C3: variants seen among roughly 807,000 people sequenced by gnomAD.
C3 encodes the protein C3 and PZP-like alpha-2-macroglobulin domain-containing protein 1.
A neutral mutation model predicts 207.9 loss-of-function variants in C3; 97 were observed. That is an observed-to-expected ratio of 0.47 (90% confidence interval 0.40 to 0.55). The LOEUF (loss-of-function observed/expected upper bound fraction) is 0.55, where lower values mean the gene tolerates loss of function less well. Ranked by LOEUF, C3 falls within the 20% of genes least tolerant of loss-of-function variation. The pLI is 0.00. For missense variants in C3, 1,684 were observed against 2,171.7 expected (o/e 0.78, Z 4.46); for synonymous variants, 848 against 857.6 (o/e 0.99, Z 0.20).
At position 6,697,395 on chromosome 19, in the gene C3, A is replaced by C. The variant is rs423490; in HGVS notation, c.2745T>G (p.Ala915=). The stretch of plus-strand genomic sequence containing the variant: ...CGTCACTGATGAAATGATGGTAGAC[A>C]GCAGCCTTGACTTCCACTTCCTGCA... ...TGLQEVEVKA[A]VYHHFISDGV... Residue 915 remains alanine (A), a synonymous_variant, in exon 21 of 41, where the codon GCT becomes GCG. Coordinates refer to ENST00000245907, the MANE Select transcript of C3 (RefSeq NM_000064.4). 2 of 1,613,762 alleles carry C rather than the reference A, an allele frequency of 1.2e-6. No individual in the cohort carries two copies. The highest frequency in any genetic ancestry group is 2.2e-5 in the South Asian group (2 of 91,050).
Position 6,713,997 on chromosome 19 carries a change from G to A in C3, c.768C>T (p.Thr256=), listed in dbSNP as rs546978146. Residue 256 remains threonine, a synonymous_variant, in exon 7 of 41, where the codon ACC becomes ACT. Coordinates refer to ENST00000245907, the MANE Select transcript of C3 (RefSeq NM_000064.4). ...YNEKGLEVTI[T]ARFLYGKKVE... is the part of the protein sequence containing the mutation. ...CCCCACCCCCAGTCCCTCACCTGGC[G>A]GTGATGGTGACCTCCAGGCCCTTCT... 3.6e-5 allele frequency: 57 copies of A among 1,602,438 alleles called. No homozygotes were observed. Among genetic ancestry groups the A allele is most frequent in the Middle Eastern group, 1.7e-4 (1 of 6,040 alleles).
chr19:6,707,953 G>C, intron 14 of C3, 24 bp from the exon 15 acceptor site: 8 of 1,612,496 alleles, frequency 5.0e-6, no homozygotes, highest in Non-Finnish European at 6.8e-6. Context: ...AGGGGTGGCG[G>C]GACGCAGGGA....
chr19:6,694,347 G>A, intron 24 of C3, 84 bp downstream of exon 24: 4 of 1,216,602 alleles, frequency 3.3e-6, no homozygotes, highest in Non-Finnish European at 4.8e-6. Flanking sequence ...GGGAGGGCGT[G>A]GTCTTGAGAT....
At chr19:6,714,965 C>A (rs1968002166) in intron 4 of C3, among the ~76,000 whole-genome samples, 1 of 152,202 alleles carries the variant, frequency 6.6e-6, no homozygotes, top group African/African-American at 2.4e-5. Context: ...CCTCTCTGTG[C>A]TCAATGTGCA....
At chr19:6,713,062 A>T in intron 9 of C3, 127 bp downstream of exon 9, 1 of 1,159,918 alleles carries the variant, frequency 8.6e-7, no homozygotes, top group Non-Finnish European at 1.3e-6. Context: ...GGCCTACCCC[A>T]TCAGACTGAA....
Position 6,677,743 on chromosome 19 carries a change from A to C in C3, c.*139T>G. On this transcript the variant is annotated 3_prime_UTR_variant, in exon 41 of 41. Coordinates refer to ENST00000245907, the MANE Select transcript of C3 (RefSeq NM_000064.4). ...AACGCCAGGAGAAAATGCGGTGGGAACAGGTGAGGTTTCAAGTAGGATGGA... is the reference window on the plus strand; with the variant it reads ...AACGCCAGGAGAAAATGCGGTGGGACCAGGTGAGGTTTCAAGTAGGATGGA... 1.9e-6 allele frequency: 2 copies of C among 1,051,188 alleles called. No individual in the cohort carries two copies. The highest frequency in any genetic ancestry group is 1.4e-6 in the Non-Finnish European group (1 of 713,822). 65.1% of individuals were successfully genotyped at this position (1,051,188 alleles called of 1,614,324 possible). A position where few individuals can be genotyped will look rare whatever the true frequency, so the allele number is the denominator to read the frequency against.
chr19:6,690,814 G>A (rs1484596740), intron 26 of C3, 87 bp from the exon 27 acceptor site: 3 of 1,017,842 alleles, frequency 2.9e-6, no homozygotes, highest in Non-Finnish European at 4.6e-6. Flanking sequence ...AGAATCAGGG[G>A]GTCTGGGCAG....
chr19:6,710,589 A>G (rs1031104558), intron 13 of C3, 50 bp downstream of exon 13: 1 of 1,373,042 alleles, frequency 7.3e-7, no homozygotes, highest in African/African-American at 1.4e-5. Flanking sequence ...AGAGAGAGAG[A>G]GAGGAGTAGG....
intron 17 of C3, among the ~76,000 whole-genome samples, chr19:6,706,541 GGGCATCACCTCATC>G (rs1967776920): frequency 1.3e-5 from 2 of 152,080 alleles, no homozygotes; most frequent in Admixed American, 1.3e-4. Flanking sequence ...CACGCTGGCA[GGGCATCACCTCATC>G]GGCATCACCC....
intron 26 of C3, 125 bp downstream of exon 26, chr19:6,692,799 C>G (rs1220336040): frequency 2.4e-6 from 3 of 1,240,482 alleles, no homozygotes; most frequent in South Asian, 2.4e-5. Context: ...GCCCCCACCC[C>G]CCAGCCCAAT....
At chr19:6,699,893 T>A (rs955881114) in intron 19 of C3, among the ~76,000 whole-genome samples, 1 of 150,908 alleles carries the variant, frequency 6.6e-6, no homozygotes, top group African/African-American at 2.4e-5. Flanking sequence ...AAATAGAATG[T>A]TTTGTAATAA....
At chr19:6,714,848 TGA>T (rs2145433007) in intron 4 of C3, among the ~76,000 whole-genome samples, 1 of 150,800 alleles carries the variant, frequency 6.6e-6, no homozygotes, top group East Asian at 2.0e-4. Context: ...GGAGACAGAG[TGA>T]GAGTCTGTCT....
Position 6,702,178 on chromosome 19 carries a change from C to A in C3, c.2389G>T (p.Asp797Tyr). The change falls in exon 19 of 41, where the codon GAC (aspartate) becomes TAC (tyrosine). Residue 797 changes from aspartate to tyrosine, a missense_variant. Physicochemically the swap from Asp to Tyr is radical, Grantham distance 160. Transcript: ENST00000245907. ...AGAATCTCCCACGTGGTGATGGAGTCTTTCAAAAATATATTCATGAGCTTC... is the reference window on the plus strand; with the variant it reads ...AGAATCTCCCACGTGGTGATGGAGTATTTCAAAAATATATTCATGAGCTTC... ...STKLMNIFLK[D>Y]SITTWEILAV... 1 of 1,606,374 alleles carries A rather than the reference C, an allele frequency of 6.2e-7. No homozygotes were observed. Among genetic ancestry groups the A allele is most frequent in the South Asian group, 1.1e-5 (1 of 90,944 alleles).
At chr19:6,693,704 A>T (rs2145407384) in intron 24 of C3, among the ~76,000 whole-genome samples, 1 of 133,460 alleles carries the variant, frequency 7.5e-6, no homozygotes, top group Non-Finnish European at 1.6e-5. Flanking sequence ...TTCAGAGAGG[A>T]GAAGGATATT....
Position 6,714,250 on chromosome 19 carries a change from T to A in C3, c.600-2A>T, listed in dbSNP as rs1186512519. 1.2e-6 allele frequency: 2 copies of A among 1,613,730 alleles called. No homozygotes were observed. The highest frequency in any genetic ancestry group is 1.7e-6 in the Non-Finnish European group (2 of 1,179,962). ...GCTCGGATCTTCCACTGGCCCATGC[T>A]GTGAGGAGGGCGGATGAGTGGTCTC... On this transcript the variant is annotated splice_acceptor_variant, in intron 5 of 40. Transcript: ENST00000245907. LOFTEE classifies it high-confidence loss of function.
intron 37 of C3, 47 bp downstream of exon 37, chr19:6,679,360 A>G: frequency 6.6e-7 from 1 of 1,504,714 alleles, no homozygotes; most frequent in Non-Finnish European, 9.3e-7. Context: ...GACCTGGGTA[A>G]GTGTGGCTTG....
In C3 at chr19:6,693,016, G is replaced by A. The variant is rs1198666704; in HGVS notation, c.3298C>T (p.Leu1100Phe). Residue 1100 changes from leucine (L) to phenylalanine (F), a missense_variant, in exon 26 of 41, where the codon CTC becomes TTC. Leu to Phe is a conservative substitution (Grantham distance 22). Around this residue, in one of 3 missense-constraint regions of C3, gnomAD observed 1,280 missense variants for 1,739.1 expected, o/e 0.74. Coordinates refer to ENST00000245907, the MANE Select transcript of C3 (RefSeq NM_000064.4). ...ATCAGCCATTTAACAGCCCCGCAGAGGACTTGGGAGTCGATGGCGATGAGG... is the reference window on the plus strand; with the variant it reads ...ATCAGCCATTTAACAGCCCCGCAGAAGACTTGGGAGTCGATGGCGATGAGG... ...VNLIAIDSQVLCGAVKWLILE... is the reference protein window; with the variant it reads ...VNLIAIDSQVFCGAVKWLILE... 6.2e-6 allele frequency: 10 copies of A among 1,614,210 alleles called. No homozygotes were observed. Among genetic ancestry groups the A allele is most frequent in the Non-Finnish European group, 8.5e-6 (10 of 1,180,030 alleles).
intron 19 of C3, among the ~76,000 whole-genome samples, chr19:6,699,728 A>C (rs1006353668): frequency 4.6e-5 from 7 of 152,260 alleles, no homozygotes; most frequent in Admixed American, 1.3e-4. Flanking sequence ...TTGAAGACTT[A>C]GTGCAAACAG....
intron 23 of C3, among the ~76,000 whole-genome samples, chr19:6,695,313 CTAT>C (rs1967509046): frequency 6.6e-6 from 1 of 151,588 alleles, no homozygotes; most frequent in Non-Finnish European, 1.5e-5. Context: ...GAGGTAGATA[CTAT>C]TATTCTACCC....
Sources: gnomAD v4.1 joint callset for allele counts (sites outside exome capture counted in the v4.1 genomes callset) on GRCh38, gnomAD v4.1.1 for gene constraint, gnomAD v4.1.1 regional missense constraint, MANE v1.5 for transcripts, NCBI Gene and HGNC (gene_info 2026-07-23, HGNC 2026-07-21) for gene names.